The following HGD variants were observed in gnomAD, a reference collection of about 807,000 sequenced individuals.
HGD encodes the protein homogentisate 1,2-dioxygenase, also known as homogentisate oxidase.
Under a neutral mutation model 60.8 loss-of-function variants are expected in HGD, and 61 were observed. That is an observed-to-expected ratio of 1.00 (90% CI 0.82 to 1.24). The LOEUF (loss-of-function observed/expected upper bound fraction) is 1.24. Among genes scored for constraint, HGD ranks in the 50% most tolerant of loss-of-function variants. HGD has a pLI of 0.00. For synonymous variants in HGD, 212 were observed against 187.7 expected (o/e 1.13, Z -1.06); for missense variants, 542 against 547.1 (o/e 0.99, Z 0.09).
intron 13 of HGD, among the ~76,000 whole-genome samples, chr3:120,629,240 G>T (rs933797660): frequency 1.4e-4 from 22 of 152,134 alleles, no homozygotes; most frequent in Admixed American, 1.3e-3. Flanking sequence ...TTCATCAATT[G>T]CTGACTTTTC....
chr3:120,628,412 G>T lies in HGD; in HGVS notation c.1306C>A (p.Pro436Thr). Reference protein sequence around the residue: ...CWEPLKSHFTPNSRNPAEPN With the variant: ...CWEPLKSHFTTNSRNPAEPN ...GGTTCTGCTGGGTTCCTGGAGTTGG[G>T]AGTGAAGTGGCTCTTGAGTGGCTCC... Residue 436 changes from proline (P) to threonine (T), a missense_variant, in exon 14 of 14, where the codon CCC becomes ACC. Coordinates refer to ENST00000283871, the MANE Select transcript of HGD (RefSeq NM_000187.4). 1.9e-6 allele frequency: 3 copies of T among 1,614,020 alleles called. No individual in the cohort carries two copies. Among genetic ancestry groups the T allele is most frequent in the Non-Finnish European group, 2.5e-6 (3 of 1,179,964 alleles).
chr3:120,676,865 C>A (rs538444650), intron 1 of HGD, among the ~76,000 whole-genome samples: 5 of 152,140 alleles, frequency 3.3e-5, no homozygotes, highest in Non-Finnish European at 7.4e-5. Context: ...TCAGTTGTTG[C>A]GGGAAGTCTG....
intron 13 of HGD, among the ~76,000 whole-genome samples, chr3:120,629,868 G>A (rs570646169): frequency 5.5e-4 from 84 of 152,262 alleles, no homozygotes; most frequent in African/African-American, 2.0e-3. Context: ...TCTATATCTA[G>A]AAAACACCAT....
intron 4 of HGD, among the ~76,000 whole-genome samples, chr3:120,657,057 T>C (rs866288909): frequency 6.6e-6 from 1 of 152,244 alleles, no homozygotes; most frequent in African/African-American, 2.4e-5. Context: ...TCAGTTGTTC[T>C]ATCAACTGTT....
chr3:120,672,514 C>T (rs1708045214), intron 3 of HGD, among the ~76,000 whole-genome samples: 1 of 152,184 alleles, frequency 6.6e-6, no homozygotes, highest in African/African-American at 2.4e-5. Flanking sequence ...GTTGAGTTGG[C>T]CTGGCCCAAC....
chr3:120,681,441 A>G (rs2107565779), intron 1 of HGD, among the ~76,000 whole-genome samples: 1 of 152,328 alleles, frequency 6.6e-6, no homozygotes, highest in East Asian at 1.9e-4. Flanking sequence ...CCCTGCTTCT[A>G]ATCAAGTCAT....
intron 3 of HGD, among the ~76,000 whole-genome samples, chr3:120,672,237 C>T (rs4676815): frequency 0.41 from 61,987 of 151,934 alleles, 13,158 homozygotes; most frequent in African/African-American, 0.52. Flanking sequence ...CTTTATTTGT[C>T]TTTCTTTCTT....
intron 13 of HGD, among the ~76,000 whole-genome samples, chr3:120,632,117 G>A (rs147286720): frequency 2.2e-4 from 34 of 152,274 alleles, no homozygotes; most frequent in African/African-American, 7.7e-4. Flanking sequence ...GGGAAATAGA[G>A]CCAAAGCAAG....
intron 4 of HGD, among the ~76,000 whole-genome samples, chr3:120,658,612 T>A (rs1384087584): frequency 2.0e-5 from 3 of 152,182 alleles, no homozygotes; most frequent in African/African-American, 7.2e-5. Flanking sequence ...ATGGTAGCCC[T>A]CTTCTCATAG....
In HGD at chr3:120,646,254, A is replaced by C. The variant is rs368003988; in HGVS notation, c.649+13T>G. The C allele has an allele frequency of 1.7e-5, 25 of 1,501,566 alleles. No individual in the cohort carries two copies. In the African/African-American group the frequency reaches 3.3e-4, roughly 20 times the overall value. 93.0% of individuals were successfully genotyped at this position (1,501,566 alleles called of 1,614,324 possible). On this transcript the variant is annotated intron_variant, in intron 9 of 13. Coordinates refer to ENST00000283871, the MANE Select transcript of HGD (RefSeq NM_000187.4). ...TCTCAAGCGAGGCTTAGAGGCTTGT[A>C]ATGAAGATTTACCAATTGGTCCAAG...
intron 13 of HGD, 64 bp downstream of exon 13, chr3:120,633,083 C>T (rs1940638895): frequency 6.8e-7 from 1 of 1,472,004 alleles, no homozygotes; most frequent in Admixed American, 1.8e-5. Context: ...TGAAAAACGG[C>T]CACCCCTCTC....
chr3:120,659,856 G>A (rs1941605222), intron 4 of HGD, among the ~76,000 whole-genome samples: 1 of 151,426 alleles, frequency 6.6e-6, no homozygotes, highest in Non-Finnish European at 1.5e-5. Context: ...TTCTGCTTCT[G>A]GAGAGGCTCA....
intron 11 of HGD, among the ~76,000 whole-genome samples, chr3:120,640,324 G>A (rs1940930038): frequency 6.6e-6 from 1 of 152,052 alleles, no homozygotes; most frequent in South Asian, 2.1e-4. Context: ...ACACATCAAA[G>A]TGCACAGAGA....
At chr3:120,667,696 C>T (rs958875732) in intron 4 of HGD, among the ~76,000 whole-genome samples, 2 of 152,052 alleles carry the variant, frequency 1.3e-5, no homozygotes, top group Non-Finnish European at 1.5e-5. Flanking sequence ...TTGTTGTGAT[C>T]GACATGAGCA....
chr3:120,674,166 C>A (rs1292757472), intron 3 of HGD, among the ~76,000 whole-genome samples: 1 of 152,202 alleles, frequency 6.6e-6, no homozygotes, highest in African/African-American at 2.4e-5. Context: ...CAGCAGCATT[C>A]CTCTTCACAA....
chr3:120,670,206 T>A, intron 4 of HGD: 1 of 577,312 alleles, frequency 1.7e-6, no homozygotes, highest in Non-Finnish European at 3.1e-6. Context: ...TAAAAATATG[T>A]CCTTTATAAA....
intron 3 of HGD, among the ~76,000 whole-genome samples, chr3:120,672,394 A>G (rs982185256): frequency 3.3e-5 from 5 of 152,178 alleles, no homozygotes; most frequent in African/African-American, 1.2e-4. Flanking sequence ...GAGGGACCCA[A>G]GTCCTTTCAG....
chr3:120,670,253 GA>G (rs1285875187), intron 4 of HGD, 173 bp downstream of exon 4: 1 of 636,744 alleles, frequency 1.6e-6, no homozygotes, highest in Non-Finnish European at 2.8e-6. Context: ...AGCAGCATGA[GA>G]ATGGACTAAT....
intron 12 of HGD, among the ~76,000 whole-genome samples, chr3:120,634,835 T>C (rs1940707961): frequency 6.6e-6 from 1 of 152,218 alleles, no homozygotes; most frequent in Non-Finnish European, 1.5e-5. Flanking sequence ...TGCAGGCCCC[T>C]ACAAAGTGAG....
Sources: gnomAD v4.1 joint callset for allele counts (sites outside exome capture counted in the v4.1 genomes callset) on GRCh38, gnomAD v4.1.1 for gene constraint, MANE v1.5 for transcripts, NCBI Gene and HGNC (gene_info 2026-07-23, HGNC 2026-07-21) for gene names.